Variants in FGD4 observed in about 807,000 individuals in gnomAD.
FGD4 encodes the protein FYVE, RhoGEF and PH domain-containing protein 4.
FGD4 carries 42 observed loss-of-function variants against 102.0 expected under a neutral mutation model. The ratio of observed to expected loss-of-function variants is 0.41; its 90% CI spans 0.32 to 0.53. The LOEUF is 0.53. FGD4 is among the 20% of genes least tolerant of loss of function. The probability of loss-of-function intolerance (pLI) is 0.21; values close to 1 mark genes in which losing one functional copy is unlikely to be tolerated. For synonymous variants in FGD4, 380 were observed against 375.7 expected (o/e 1.01, Z -0.13); for missense variants, 902 against 1,078.2 (o/e 0.84, Z 2.29).
At chr12:32,420,960 A>G (rs191739966) in intron 1 of FGD4, among the ~76,000 whole-genome samples, 81 of 152,264 alleles carry the variant, frequency 5.3e-4, no homozygotes, top group African/African-American at 1.9e-3. Flanking sequence ...TGGCATGATC[A>G]TAGCTCACTG....
chr12:32,453,037 A>G (rs12820579), intron 1 of FGD4, among the ~76,000 whole-genome samples: 126,320 of 151,196 alleles, frequency 0.84, 55,198 homozygotes, highest in Non-Finnish European at 0.97. Context: ...TTTCTATTAT[A>G]GAAAATTTCA....
chr12:32,539,626 T>C lies in FGD4; in HGVS notation c.167-24511T>C, dbSNP rs559532717. On this transcript the variant is annotated intron_variant, in intron 1 of 16. Coordinates refer to ENST00000534526, the MANE Select transcript of FGD4 (RefSeq NM_001370298.3). ...ATTAAAGTGTAAGAATTATTTGTGTTTACACTTCATGTAATTTATTTCCAA... is the reference window on the plus strand; with the variant it reads ...ATTAAAGTGTAAGAATTATTTGTGTCTACACTTCATGTAATTTATTTCCAA... Among the ~76,000 whole-genome samples, 19 of 152,204 alleles carry C rather than the reference T, an allele frequency of 1.2e-4. No homozygotes were observed. The East Asian group carries it at 3.5e-3, about 28-fold the overall frequency.
chr12:32,487,247 GATAACAA>G (rs1943936598), intron 1 of FGD4, among the ~76,000 whole-genome samples: 1 of 152,118 alleles, frequency 6.6e-6, no homozygotes, highest in Non-Finnish European at 1.5e-5. Context: ...TTGATTTTAA[GATAACAA>G]TAATAGCTTG....
chr12:32,547,348 G>A (rs906565671), intron 1 of FGD4, among the ~76,000 whole-genome samples: 3 of 152,172 alleles, frequency 2.0e-5, no homozygotes, highest in Non-Finnish European at 4.4e-5. Context: ...GCTGAGGTGA[G>A]AGGATCACTT....
intron 4 of FGD4, among the ~76,000 whole-genome samples, chr12:32,591,575 T>A (rs1404648807): frequency 6.6e-6 from 1 of 152,242 alleles, no homozygotes; most frequent in East Asian, 1.9e-4. Flanking sequence ...GCAGGGTGGA[T>A]GGCACCAAGA....
chr12:32,407,703 A>G (rs1041715585), intron 1 of FGD4, among the ~76,000 whole-genome samples: 4 of 151,132 alleles, frequency 2.6e-5, no homozygotes, highest in Admixed American at 6.6e-5. Context: ...TTTTGTCTCA[A>G]CTCCACCCTC....
chr12:32,497,615 T>A (rs557532209), intron 1 of FGD4, among the ~76,000 whole-genome samples: 142 of 152,282 alleles, frequency 9.3e-4, no homozygotes, highest in Admixed American at 4.0e-3. Flanking sequence ...CTGGTCAATT[T>A]ATAATACAAA....
chr12:32,527,923 G>A (rs569466321), intron 1 of FGD4, among the ~76,000 whole-genome samples: 1 of 152,206 alleles, frequency 6.6e-6, no homozygotes, highest in Admixed American at 6.5e-5. Flanking sequence ...AGAGAATCAA[G>A]GGAAGATGAC....
intron 1 of FGD4, among the ~76,000 whole-genome samples, chr12:32,526,015 G>A (rs908021721): frequency 1.7e-4 from 26 of 152,350 alleles, no homozygotes; most frequent in Admixed American, 1.2e-3. Flanking sequence ...CCTGCTCCAC[G>A]GCGCCCAGTC....
intron 1 of FGD4, among the ~76,000 whole-genome samples, chr12:32,489,412 G>T (rs1344677812): frequency 6.6e-6 from 1 of 152,192 alleles, no homozygotes; most frequent in Non-Finnish European, 1.5e-5. Context: ...GACTAAATTG[G>T]CAACTCTTTT....
At chr12:32,538,335 T>C (rs1051206270) in intron 1 of FGD4, among the ~76,000 whole-genome samples, 2 of 152,234 alleles carry the variant, frequency 1.3e-5, no homozygotes, top group Admixed American at 6.5e-5. Context: ...TGAATACATT[T>C]CTAATATTCA....
At chr12:32,567,861 A>G (rs757060715) in intron 2 of FGD4, among the ~76,000 whole-genome samples, 1 of 151,816 alleles carries the variant, frequency 6.6e-6, no homozygotes, top group Non-Finnish European at 1.5e-5. Flanking sequence ...TAATTTTTGT[A>G]TTTTTTGTTA....
At chr12:32,624,822 A>G in intron 12 of FGD4, 154 bp from the exon 13 acceptor site, 1 of 703,400 alleles carries the variant, frequency 1.4e-6, no homozygotes, top group Non-Finnish European at 2.5e-6. Flanking sequence ...ACAAATGTGC[A>G]TATATTGTTG....
intron 7 of FGD4, among the ~76,000 whole-genome samples, chr12:32,605,555 C>G (rs1001832487): frequency 6.6e-6 from 1 of 152,176 alleles, no homozygotes; most frequent in East Asian, 1.9e-4. Context: ...TAGTCTAGTT[C>G]TCTACTCCCA....
intron 1 of FGD4, among the ~76,000 whole-genome samples, chr12:32,543,107 A>T (rs1339624500): frequency 6.6e-6 from 1 of 152,216 alleles, no homozygotes; most frequent in Non-Finnish European, 1.5e-5. Flanking sequence ...TGAACTCCTC[A>T]TCAGATTTAA....
Position 32,583,347 on chromosome 12 carries a change from GA to G in FGD4, c.1011+889del, listed in dbSNP as rs201670275. ...GCGAAACCCTGTCTCAAAAAACAAG[GA>G]AAAAAAAATCTTAGTTTAGCAATTC... On this transcript the variant is annotated intron_variant, in intron 4 of 16. Transcript: ENST00000534526. Among the ~76,000 whole-genome samples, 435 of 150,670 alleles carry G rather than the reference GA, an allele frequency of 2.9e-3. 3 individuals carry two copies. The highest frequency in any genetic ancestry group is 8.0e-3 in the African/African-American group (329 of 41,060).
chr12:32,490,648 C>G (rs1296403863), intron 1 of FGD4, among the ~76,000 whole-genome samples: 2 of 149,920 alleles, frequency 1.3e-5, no homozygotes, highest in Admixed American at 1.3e-4. Flanking sequence ...CCACCCACCT[C>G]GGCCTCCCAA....
At chr12:32,542,044 A>G (rs934490421) in intron 1 of FGD4, among the ~76,000 whole-genome samples, 1 of 152,070 alleles carries the variant, frequency 6.6e-6, no homozygotes, top group African/African-American at 2.4e-5. Context: ...GGAACAAATG[A>G]TAGTGTTGGT....
intron 15 of FGD4, among the ~76,000 whole-genome samples, chr12:32,634,702 C>G (rs905533762): frequency 1.3e-5 from 2 of 152,144 alleles, no homozygotes; most frequent in East Asian, 1.9e-4. Flanking sequence ...TTAAGAATCT[C>G]TAAAGAGGCT....
Sources: gnomAD v4.1 joint callset for allele counts (sites outside exome capture counted in the v4.1 genomes callset) on GRCh38, gnomAD v4.1.1 for gene constraint, MANE v1.5 for transcripts, NCBI Gene and HGNC (gene_info 2026-07-23, HGNC 2026-07-21) for gene names.